ESR1: variants seen among roughly 807,000 people sequenced by gnomAD.
ESR1 encodes estrogen receptor 1.
In ESR1, 12 loss-of-function variants were observed where a neutral mutation model predicts 52.7. That is an observed-to-expected ratio of 0.23 (90% confidence interval 0.15 to 0.37). The LOEUF is 0.37. Among genes scored for constraint, ESR1 ranks in the 10% least tolerant of loss-of-function variants. The pLI, the probability that ESR1 is intolerant of heterozygous loss-of-function variation, is 1.00. For missense variants in ESR1, 584 were observed against 779.7 expected (o/e 0.75, Z 2.99); for synonymous variants, 305 against 316.8 (o/e 0.96, Z 0.39).
chr6:151,799,147 C>T (rs1306082156), intron 2 of ESR1, among the ~76,000 whole-genome samples: 3 of 152,116 alleles, frequency 2.0e-5, no homozygotes, highest in Admixed American at 6.6e-5. Flanking sequence ...CAGAAGAATG[C>T]GGCATCTACC....
At chr6:151,771,378 A>G (rs1785503320) in intron 2 of ESR1, among the ~76,000 whole-genome samples, 1 of 152,200 alleles carries the variant, frequency 6.6e-6, no homozygotes, top group Admixed American at 6.6e-5. Flanking sequence ...AATACTCTTC[A>G]GTCTGCTTTG....
intron 6 of ESR1, among the ~76,000 whole-genome samples, chr6:152,088,526 C>T (rs1322049803): frequency 1.3e-5 from 2 of 152,178 alleles, no homozygotes; most frequent in South Asian, 2.1e-4. Context: ...GAAGATTCTG[C>T]GCTCATGAGT....
intron 6 of ESR1, among the ~76,000 whole-genome samples, chr6:152,092,336 C>T (rs552008491): frequency 2.0e-4 from 31 of 152,310 alleles, no homozygotes; most frequent in African/African-American, 6.5e-4. Context: ...ACCAAGATCC[C>T]GACCATTCTG....
chr6:152,023,327 AAAT>A (rs1449976019), intron 5 of ESR1, among the ~76,000 whole-genome samples: 1 of 152,220 alleles, frequency 6.6e-6, no homozygotes, highest in Non-Finnish European at 1.5e-5. Flanking sequence ...TTTCAAACTG[AAAT>A]AATGAGAGAA....
intron 2 of ESR1, among the ~76,000 whole-genome samples, chr6:151,733,777 A>C (rs1379157869): frequency 6.6e-6 from 1 of 152,166 alleles, no homozygotes; most frequent in Non-Finnish European, 1.5e-5. Context: ...TGCTGCCCCC[A>C]GTATTAGGAT....
chr6:151,775,249 C>A (rs1459595084), intron 2 of ESR1, among the ~76,000 whole-genome samples: 1 of 152,160 alleles, frequency 6.6e-6, no homozygotes. Flanking sequence ...ATGCTTGCGA[C>A]CAGATTGTTT....
At chr6:151,940,537 G>C (rs1196171149) in intron 3 of ESR1, among the ~76,000 whole-genome samples, 2 of 152,122 alleles carry the variant, frequency 1.3e-5, no homozygotes, top group African/African-American at 4.8e-5. Flanking sequence ...AAATGGGTGT[G>C]GTGGTTCCAC....
intron 2 of ESR1, among the ~76,000 whole-genome samples, chr6:151,718,865 A>G (rs1327304366): frequency 6.6e-6 from 1 of 152,012 alleles, no homozygotes; most frequent in East Asian, 1.9e-4. Context: ...TTCTTCTCTT[A>G]CCATGACACT....
chr6:151,680,620 C>T (rs1778422496), intron 1 of ESR1, among the ~76,000 whole-genome samples: 1 of 152,160 alleles, frequency 6.6e-6, no homozygotes, highest in African/African-American at 2.4e-5. Flanking sequence ...AATCACCTTC[C>T]AAAGGCCCCA....
chr6:151,813,790 G>T (rs1779202193), intron 1 of ESR1, among the ~76,000 whole-genome samples: 1 of 152,076 alleles, frequency 6.6e-6, no homozygotes, highest in African/African-American at 2.4e-5. Flanking sequence ...GAGATCCTAT[G>T]AGTTACACTT....
rs532239092 is a variant in ESR1 at position 151,949,775 on chromosome 6, A to G, written c.1096+5267A>G. 1.2e-4 allele frequency among the ~76,000 whole-genome samples: 19 copies of G among 152,344 alleles called. No homozygotes were observed. In the South Asian group the frequency reaches 3.1e-3, roughly 25 times the overall value. On this transcript the variant is annotated intron_variant, in intron 4 of 7. Transcript: ENST00000206249. ...GCTGTTGACTGGATTTTTCTTTCAC[A>G]TGAAACTTTGAAGCCTCATAGATGC...
At chr6:152,125,194 T>C in intron 6 of ESR1, 2 of 1,512,068 alleles carry the variant, frequency 1.3e-6, no homozygotes, top group Non-Finnish European at 1.8e-6. Flanking sequence ...CCGCACTCTC[T>C]GCTGTGAAAT....
chr6:151,988,709 G>A (rs1277259239), intron 4 of ESR1, among the ~76,000 whole-genome samples: 4 of 152,012 alleles, frequency 2.6e-5, no homozygotes, highest in African/African-American at 4.8e-5. Context: ...AAACCTGCAC[G>A]TGTACTCCAG....
chr6:151,713,062 T>C (rs1490016651), intron 2 of ESR1, among the ~76,000 whole-genome samples: 1 of 152,214 alleles, frequency 6.6e-6, no homozygotes, highest in Admixed American at 6.5e-5. Flanking sequence ...TGTTGAATTT[T>C]ATTGAAGGCC....
intron 3 of ESR1, among the ~76,000 whole-genome samples, chr6:151,883,370 C>T (rs371386408): frequency 6.6e-6 from 1 of 151,766 alleles, no homozygotes; most frequent in East Asian, 2.0e-4. Context: ...TCAGGTGATC[C>T]GCCCACCTCG....
intron 1 of ESR1, among the ~76,000 whole-genome samples, chr6:151,669,156 G>C (rs1468186847): frequency 5.8e-5 from 7 of 120,236 alleles, no homozygotes. Flanking sequence ...GGGAGAGAGA[G>C]AGAGAGAGAG....
chr6:151,662,433 G>A (rs887415892), intron 1 of ESR1, among the ~76,000 whole-genome samples: 2 of 152,170 alleles, frequency 1.3e-5, no homozygotes, highest in African/African-American at 4.8e-5. Context: ...GGAGGAAATA[G>A]AGGTTAAATA....
At chr6:151,731,771 C>T (rs1031912374) in intron 2 of ESR1, among the ~76,000 whole-genome samples, 1 of 152,146 alleles carries the variant, frequency 6.6e-6, no homozygotes, top group Non-Finnish European at 1.5e-5. Context: ...ATCAGGGAGA[C>T]AGAATAAGGT....
chr6:152,119,522 T>C (rs149011612), intron 6 of ESR1, among the ~76,000 whole-genome samples: 11 of 152,326 alleles, frequency 7.2e-5, no homozygotes, highest in African/African-American at 2.4e-4. Flanking sequence ...TGTGCAAATC[T>C]CCTTACCACC....
Sources: gnomAD v4.1 joint callset for allele counts (sites outside exome capture counted in the v4.1 genomes callset) on GRCh38, gnomAD v4.1.1 for gene constraint, MANE v1.5 for transcripts, NCBI Gene and HGNC (gene_info 2026-07-23, HGNC 2026-07-21) for gene names.